Variants in ITGA3 observed in about 807,000 individuals in gnomAD.
The protein encoded by ITGA3 is integrin subunit alpha 3, also known as integrin alpha-3.
A neutral mutation model predicts 131.1 loss-of-function variants in ITGA3; 70 were observed. The observed-to-expected ratio is 0.53, with a 90% CI of 0.44 to 0.65. ITGA3 has a LOEUF of 0.65. Among genes scored for constraint, ITGA3 ranks in the 30% least tolerant of loss-of-function variants. The pLI, the probability that ITGA3 is intolerant of heterozygous loss-of-function variation, is 0.00. For missense variants in ITGA3, 1,098 were observed against 1,388.6 expected, an observed-to-expected ratio of 0.79 and a Z score of 3.33; for synonymous variants, 537 against 571.6, an observed-to-expected ratio of 0.94 and a Z score of 0.86.
chr17:50,085,763 T>C (rs936937878), intron 23 of ITGA3, among the ~76,000 whole-genome samples: 1 of 124,890 alleles, frequency 8.0e-6, no homozygotes, highest in African/African-American at 2.8e-5. Flanking sequence ...ATAATATATA[T>C]TAGATTATAC....
intron 18 of ITGA3, 65 bp from the exon 19 acceptor site, chr17:50,078,759 C>T: frequency 1.1e-6 from 1 of 926,798 alleles, no homozygotes; most frequent in Non-Finnish European, 1.7e-6. Context: ...CTTTGGTGCC[C>T]ACCCCCCTCT....
chr17:50,077,251 G>A (rs911050593), intron 15 of ITGA3, 128 bp from the exon 16 acceptor site: 4 of 1,290,934 alleles, frequency 3.1e-6, no homozygotes, highest in East Asian at 2.4e-5. Flanking sequence ...CTTCTTGGGG[G>A]CCTTAGCGTC....
At chr17:50,062,150 C>T (rs1039545028) in intron 1 of ITGA3, among the ~76,000 whole-genome samples, 3 of 152,124 alleles carry the variant, frequency 2.0e-5, no homozygotes, top group African/African-American at 7.2e-5. Context: ...CAACAATGCT[C>T]ACATTAGCTA....
chr17:50,066,266 C>G, intron 3 of ITGA3, among the ~76,000 whole-genome samples: 1 of 149,398 alleles, frequency 6.7e-6, no homozygotes, highest in Non-Finnish European at 1.5e-5. Context: ...ACTGCTAGTG[C>G]TAGGATTTCA....
intron 1 of ITGA3, among the ~76,000 whole-genome samples, chr17:50,062,791 GCCCA>G (rs1300372861): frequency 6.6e-6 from 1 of 152,264 alleles, no homozygotes; most frequent in African/African-American, 2.4e-5. Flanking sequence ...GAGGCCCAGA[GCCCA>G]AGTTCTGAGC....
chr17:50,057,034 T>C (rs1907860684), intron 1 of ITGA3, among the ~76,000 whole-genome samples: 1 of 152,050 alleles, frequency 6.6e-6, no homozygotes, highest in South Asian at 2.1e-4. Context: ...TCCCGTACGC[T>C]TGGGGGAAAA....
At chr17:50,065,815 T>A (rs1010980358) in intron 3 of ITGA3, 1 of 151,960 alleles carries the variant, frequency 6.6e-6, no homozygotes, top group African/African-American at 2.4e-5. Flanking sequence ...CGGTGGATCA[T>A]GAGGTCAGAA....
chr17:50,076,176 G>A (rs1490009113), intron 12 of ITGA3, 150 bp from the exon 13 acceptor site: 1 of 812,830 alleles, frequency 1.2e-6, no homozygotes, highest in African/African-American at 1.8e-5. Flanking sequence ...GTCGCAATTT[G>A]GCGACCGGAC....
In ITGA3 at chr17:50,056,139, G is replaced by T. The variant is rs1907790615; in HGVS notation, c.-301G>T. 8.9e-6 allele frequency: 3 copies of T among 337,924 alleles called. No individual in the cohort carries two copies. Among genetic ancestry groups the T allele is most frequent in the Non-Finnish European group, 1.6e-5 (3 of 187,372 alleles). 20.9% of individuals were successfully genotyped at this position (337,924 alleles called of 1,614,324 possible). A position where few individuals can be genotyped will look rare whatever the true frequency, so the allele number is the denominator to read the frequency against. On this transcript the variant is annotated 5_prime_UTR_variant, in exon 1 of 26. Coordinates refer to ENST00000320031, the MANE Select transcript of ITGA3 (RefSeq NM_002204.4). This position sits in a 1 kb window ranked among gnomAD's most constrained non-coding sequence, Gnocchi z 5.6. ...CCGCCGCGAAGCCGGGATCGAAGGC[G>T]ACAGCGCGGCCAAGGGGGCGCGGCC... is the stretch of plus-strand genomic sequence containing the variant.
In ITGA3 at chr17:50,064,391, C is replaced by A; in HGVS notation, c.335-137C>A. 2.7e-6 allele frequency: 3 copies of A among 1,113,712 alleles called. No homozygotes were observed. Among genetic ancestry groups the A allele is most frequent in the African/African-American group, 1.5e-5 (1 of 64,686 alleles). 69.0% of individuals were successfully genotyped at this position (1,113,712 alleles called of 1,614,324 possible). On this transcript the variant is annotated intron_variant, in intron 2 of 25. Transcript: ENST00000320031. This position sits in a 1 kb window ranked among gnomAD's most constrained non-coding sequence, Gnocchi z 4.4. ...GGATTGGTAGAGCTCAGAATAATGA[C>A]GAGCTGGAGAAGGGGAGTTGGGAGG...
chr17:50,079,956 G>A (rs1191890230), intron 21 of ITGA3, among the ~76,000 whole-genome samples: 2 of 152,186 alleles, frequency 1.3e-5, no homozygotes, highest in Non-Finnish European at 2.9e-5. Flanking sequence ...GAGAGTGGGA[G>A]GTGGTGTCCC....
intron 21 of ITGA3, 114 bp from the exon 22 acceptor site, chr17:50,080,144 CCCCT>C: frequency 1.7e-6 from 1 of 595,194 alleles, no homozygotes. Context: ...GGAAGTCAGA[CCCCT>C]TTGGGTCACC....
intron 25 of ITGA3, among the ~76,000 whole-genome samples, 172 bp downstream of exon 25, chr17:50,088,538 T>C (rs761280205): frequency 5.3e-5 from 8 of 152,292 alleles, no homozygotes; most frequent in Non-Finnish European, 8.8e-5. Context: ...GGTGTCTGGC[T>C]TTCATCAGCC....
At chr17:50,071,585 A>C (rs1908636177) in intron 6 of ITGA3, 67 bp downstream of exon 6, 1 of 1,383,040 alleles carries the variant, frequency 7.2e-7, no homozygotes, top group South Asian at 1.3e-5. Flanking sequence ...TACCTAAGCC[A>C]GGTGAGGGGA....
intron 3 of ITGA3, among the ~76,000 whole-genome samples, chr17:50,067,522 A>G (rs1788274734): frequency 6.6e-6 from 1 of 152,222 alleles, no homozygotes; most frequent in South Asian, 2.1e-4. Flanking sequence ...TTTATCTAAA[A>G]TGGGGGAAAT....
At chr17:50,085,672 A>T (rs369969116) in intron 23 of ITGA3, among the ~76,000 whole-genome samples, 1 of 123,374 alleles carries the variant, frequency 8.1e-6, no homozygotes, top group South Asian at 2.7e-4. Flanking sequence ...TCAAAAAAAT[A>T]TATATATTAT....
intron 1 of ITGA3, among the ~76,000 whole-genome samples, chr17:50,060,681 C>G (rs556721360): frequency 1.3e-5 from 2 of 152,176 alleles, no homozygotes; most frequent in Admixed American, 6.5e-5. Context: ...TCTGCTCCCC[C>G]CAGTCCAGCC....
At position 50,080,249 on chromosome 17, in the gene ITGA3, C is replaced by T; in HGVS notation, c.2707-13C>T. On this transcript the variant is annotated splice_polypyrimidine_tract_variant and intron_variant, in intron 21 of 25. Coordinates refer to ENST00000320031, the MANE Select transcript of ITGA3 (RefSeq NM_002204.4). ...CAGACTATGTCACGTCTTGCGTTCC[C>T]TGCCCGCCTCAGACCTGTGCCACAG... The T allele has an allele frequency of 6.5e-7, 1 of 1,532,828 alleles. No individual in the cohort carries two copies. Among genetic ancestry groups the T allele is most frequent in the Non-Finnish European group, 9.0e-7 (1 of 1,111,736 alleles). The allele number at this position is 1,532,828 out of a possible 1,614,324, so 95.0% of individuals were successfully genotyped here. A position where few individuals can be genotyped will look rare whatever the true frequency, so the allele number is the denominator to read the frequency against.
chr17:50,068,495 A>G (rs1395042873), intron 4 of ITGA3, among the ~76,000 whole-genome samples, 190 bp downstream of exon 4: 1 of 152,100 alleles, frequency 6.6e-6, no homozygotes, highest in Non-Finnish European at 1.5e-5. Context: ...TATTATGTCA[A>G]TCAATCTTTT....
Sources: allele counts gnomAD v4.1 joint callset (sites outside exome capture counted in the v4.1 genomes callset), GRCh38; gene constraint gnomAD v4.1.1; non-coding constraint Gnocchi (gnomAD v3.1); transcripts MANE v1.5; gene names NCBI Gene and HGNC (gene_info 2026-07-23, HGNC 2026-07-21).